The following RBFOX3 variants were observed in gnomAD, a reference collection of about 807,000 sequenced individuals.
RBFOX3 encodes RNA binding protein fox-1 homolog 3.
Under a neutral mutation model 48.7 loss-of-function variants are expected in RBFOX3, and 17 were observed. The ratio of observed to expected loss-of-function variants is 0.35; its 90% CI spans 0.24 to 0.52. The LOEUF (loss-of-function observed/expected upper bound fraction) is 0.52, where lower values mean the gene tolerates loss of function less well. RBFOX3 is among the 20% of genes least tolerant of loss of function. RBFOX3 has a pLI of 0.94. For missense variants in RBFOX3, 382 were observed against 497.5 expected (o/e 0.77, Z 2.21); for synonymous variants, 212 against 209.5 (o/e 1.01, Z -0.10).
intron 4 of RBFOX3, among the ~76,000 whole-genome samples, chr17:79,186,402 G>A (rs116346525): frequency 0.033 from 5,080 of 152,332 alleles, 288 homozygotes; most frequent in African/African-American, 0.12. Context: ...TCAGAGTGTC[G>A]CGCAGGCCTG....
intron 5 of RBFOX3, among the ~76,000 whole-genome samples, chr17:79,107,887 G>T (rs529801811): frequency 1.3e-5 from 2 of 152,196 alleles, no homozygotes; most frequent in Non-Finnish European, 2.9e-5. Flanking sequence ...CACAGGTGGT[G>T]GGTGCACGCT....
chr17:79,626,198 G>A, the RBFOX3 span, among the ~76,000 whole-genome samples: 1 of 152,146 alleles, frequency 6.6e-6, no homozygotes, highest in East Asian at 1.9e-4. Flanking sequence ...CCAAGGGTCA[G>A]GTGGACCAGA....
rs1473107634 is a variant in RBFOX3, at chr17:79,205,211, C to G, written c.-34+30555G>C. On this transcript the variant is annotated intron_variant, in intron 4 of 14. Coordinates refer to ENST00000693108, the MANE Select transcript of RBFOX3 (RefSeq NM_001350451.2). This position sits in a 1 kb window ranked among gnomAD's most constrained non-coding sequence, Gnocchi z 4.5. ...CCTGTGTCCTGGGGAAGGGGACTAG[C>G]AGAAGTTTTGCAGGCAGGAGGATAC... is the stretch of plus-strand genomic sequence containing the variant. Among the ~76,000 whole-genome samples, 1 of 152,110 alleles carries G rather than the reference C, an allele frequency of 6.6e-6. No individual in the cohort carries two copies. The highest frequency in any genetic ancestry group is 1.5e-5 in the Non-Finnish European group (1 of 68,016).
At chr17:79,528,725 C>A (rs1661273089) in intron 1 of RBFOX3, among the ~76,000 whole-genome samples, 1 of 151,968 alleles carries the variant, frequency 6.6e-6, no homozygotes, top group African/African-American at 2.4e-5. Flanking sequence ...AGTAAGGCAG[C>A]CACCGTCACG....
In RBFOX3 at chr17:79,471,825, G is replaced by C. The variant is rs1430352019; in HGVS notation, c.-175+10629C>G. 6.6e-6 allele frequency among the ~76,000 whole-genome samples: 1 copy of C among 152,156 alleles called. No homozygotes were observed. The highest frequency in any genetic ancestry group is 1.5e-5 in the Non-Finnish European group (1 of 68,032). On this transcript the variant is annotated intron_variant, in intron 2 of 14. Transcript: ENST00000693108. The surrounding 1 kb of genome is among the most constrained non-coding windows in gnomAD (Gnocchi z 4.0). ...GCATCACACCTAGCGCCCCGTGTGT[G>C]ACCCGGGATCCCACCGTTCTCCAGG...
Position 79,250,783 on chromosome 17 carries a change from C to T in RBFOX3, c.-73-14978G>A, listed in dbSNP as rs547085152. On this transcript the variant is annotated intron_variant, in intron 3 of 14. Coordinates refer to ENST00000693108, the MANE Select transcript of RBFOX3 (RefSeq NM_001350451.2). ...TCCTTTTCTTTTTCTTTCCCTCCCTCCCTCCCTTCCTTTCCCTCCCTCCCT... is the reference window on the plus strand; with the variant it reads ...TCCTTTTCTTTTTCTTTCCCTCCCTTCCTCCCTTCCTTTCCCTCCCTCCCT... Among the ~76,000 whole-genome samples the T allele has an allele frequency of 2.9e-5, 4 of 139,278 alleles. No homozygotes were observed. The East Asian group carries it at 7.4e-4, about 26-fold the overall frequency. The allele number at this position is 139,278 out of a possible 152,430, so 91.4% of individuals were successfully genotyped here.
At chr17:79,169,333 A>G (rs2048665147) in intron 4 of RBFOX3, among the ~76,000 whole-genome samples, 1 of 152,080 alleles carries the variant, frequency 6.6e-6, no homozygotes, top group Non-Finnish European at 1.5e-5. Flanking sequence ...TGAGGATTCC[A>G]TATAGGGGAA....
the RBFOX3 span, among the ~76,000 whole-genome samples, chr17:79,630,203 G>A: frequency 2.0e-5 from 3 of 152,160 alleles, no homozygotes; most frequent in East Asian, 1.9e-4. Context: ...GGGTTTCCAC[G>A]ATGCTCGAGA....
At chr17:79,356,946 G>A (rs1289755961) in intron 2 of RBFOX3, among the ~76,000 whole-genome samples, 2 of 152,154 alleles carry the variant, frequency 1.3e-5, no homozygotes, top group Admixed American at 6.5e-5. Flanking sequence ...GCACTGAGAT[G>A]GGACACTTGG....
chr17:79,154,314 C>T (rs555881170), intron 4 of RBFOX3, among the ~76,000 whole-genome samples: 17 of 152,350 alleles, frequency 1.1e-4, no homozygotes, highest in African/African-American at 4.1e-4. Context: ...GATGTCCTCC[C>T]TGGCCACCCT....
At chr17:79,463,566 CCACCAT>C (rs1488623665) in intron 2 of RBFOX3, among the ~76,000 whole-genome samples, 2 of 147,820 alleles carry the variant, frequency 1.4e-5, no homozygotes, top group African/African-American at 5.0e-5. Flanking sequence ...GACACCTCCA[CCACCAT>C]CGCCACTGCC....
At position 79,229,558 on chromosome 17, in the gene RBFOX3, C is replaced by CAAA. The variant is rs11435725; in HGVS notation, c.-34+6205_-34+6207dup. On this transcript the variant is annotated intron_variant, in intron 4 of 14. Coordinates refer to ENST00000693108, the MANE Select transcript of RBFOX3 (RefSeq NM_001350451.2). ...TGGGTGACAGAGCAAGACTCCATCT[C>CAAA]AAAAAAAAAAAAAAAAAAAAAAAAG... Among the ~76,000 whole-genome samples, 120 of 50,426 alleles carry CAAA rather than the reference C, an allele frequency of 2.4e-3. 1 individual carries two copies. The highest frequency in any genetic ancestry group is 0.01 in the Middle Eastern group (1 of 100). 33.1% of individuals were successfully genotyped at this position (50,426 alleles called of 152,430 possible). A position where few individuals can be genotyped will look rare whatever the true frequency, so the allele number is the denominator to read the frequency against.
chr17:79,170,721 T>C (rs898528), intron 4 of RBFOX3, among the ~76,000 whole-genome samples: 112,653 of 152,054 alleles, frequency 0.74, 42,713 homozygotes, highest in African/African-American at 0.91. Context: ...CCTCCTTTTC[T>C]ATCCCAGATG....
rs993988206 is a variant in RBFOX3 at position 79,267,558 on chromosome 17, T to G, written c.-73-31753A>C. The stretch of plus-strand genomic sequence containing the variant: ...GGCGCATGCCACCATGCCCGGCTAA[T>G]TTTTGTATTTTTAGTACAGACAGGA... On this transcript the variant is annotated intron_variant, in intron 3 of 14. Transcript: ENST00000693108. Among the ~76,000 whole-genome samples the G allele has an allele frequency of 2.0e-5, 3 of 152,168 alleles. No individual in the cohort carries two copies. The South Asian group carries it at 6.2e-4, about 32-fold the overall frequency.
intron 1 of RBFOX3, among the ~76,000 whole-genome samples, chr17:79,564,905 C>T (rs991925658): frequency 2.7e-4 from 41 of 152,044 alleles, no homozygotes; most frequent in African/African-American, 8.0e-4. Context: ...GCCGGGCGTG[C>T]TGGCACACGC....
chr17:79,275,577 C>T (rs1240612373), intron 3 of RBFOX3, among the ~76,000 whole-genome samples: 1 of 152,188 alleles, frequency 6.6e-6, no homozygotes, highest in African/African-American at 2.4e-5. Flanking sequence ...TGGGTGAGGG[C>T]CCCTCCCCAA....
intron 4 of RBFOX3, among the ~76,000 whole-genome samples, chr17:79,120,388 T>A (rs1471901796): frequency 6.6e-6 from 1 of 150,996 alleles, no homozygotes; most frequent in African/African-American, 2.4e-5. Flanking sequence ...GATGGTTGGA[T>A]AGATGGGTGG....
At chr17:79,163,605 C>A (rs902597742) in intron 4 of RBFOX3, among the ~76,000 whole-genome samples, 2 of 152,232 alleles carry the variant, frequency 1.3e-5, no homozygotes, top group African/African-American at 2.4e-5. Flanking sequence ...GCCACCTGGA[C>A]CAGACTGGTG....
chr17:79,136,303 A>C (rs1487603492), intron 4 of RBFOX3: 1 of 152,394 alleles, frequency 6.6e-6, no homozygotes, highest in Non-Finnish European at 1.5e-5. Flanking sequence ...AGCCAGAGGA[A>C]GTGCCATGGG....
Sources: gnomAD v4.1 joint callset for allele counts (sites outside exome capture counted in the v4.1 genomes callset) on GRCh38, gnomAD v4.1.1 for gene constraint, Gnocchi (gnomAD v3.1) non-coding constraint, MANE v1.5 for transcripts, NCBI Gene and HGNC (gene_info 2026-07-23, HGNC 2026-07-21) for gene names.